Variants in IMMP2L observed in about 807,000 individuals in gnomAD.
IMMP2L encodes the protein mitochondrial inner membrane protease subunit 2.
In IMMP2L, 18 loss-of-function variants were observed where a neutral mutation model predicts 19.3. The ratio of observed to expected loss-of-function variants is 0.93; its 90% CI spans 0.64 to 1.38. The LOEUF is 1.38. Ranked by LOEUF, IMMP2L falls within the 40% of genes most tolerant of loss-of-function variation. The pLI, the probability that IMMP2L is intolerant of heterozygous loss-of-function variation, is 0.00. For synonymous variants in IMMP2L, 76 were observed against 73.0 expected, an observed-to-expected ratio of 1.04 and a Z score of -0.21; for missense variants, 233 against 218.2, an observed-to-expected ratio of 1.07 and a Z score of -0.43.
At chr7:110,665,932 A>G (rs1791418015) in intron 5 of IMMP2L, among the ~76,000 whole-genome samples, 1 of 152,208 alleles carries the variant, frequency 6.6e-6, no homozygotes, top group Admixed American at 6.5e-5. Flanking sequence ...TTACAAAAAT[A>G]ATGATTTTCC....
At chr7:110,938,231 C>G (rs1302285879) in intron 4 of IMMP2L, among the ~76,000 whole-genome samples, 1 of 152,120 alleles carries the variant, frequency 6.6e-6, no homozygotes, top group Admixed American at 6.5e-5. Context: ...TTATGGCATA[C>G]TAATCTGTGT....
intron 3 of IMMP2L, among the ~76,000 whole-genome samples, chr7:110,982,027 A>C (rs2129558190): frequency 6.6e-6 from 1 of 152,310 alleles, no homozygotes; most frequent in East Asian, 1.9e-4. Context: ...TAGGACATTT[A>C]AGGTGAAGCA....
chr7:111,193,175 A>C (rs1809086186), intron 3 of IMMP2L, among the ~76,000 whole-genome samples: 1 of 152,152 alleles, frequency 6.6e-6, no homozygotes, highest in East Asian at 1.9e-4. Flanking sequence ...TTTGTGAAGT[A>C]TGTGGAGATG....
chr7:110,943,107 G>T (rs1816894932), intron 4 of IMMP2L, among the ~76,000 whole-genome samples: 1 of 151,990 alleles, frequency 6.6e-6, no homozygotes, highest in Non-Finnish European at 1.5e-5. Context: ...ACTAGCTAAG[G>T]CATACAGTTT....
At chr7:111,300,837 T>C (rs757985460) in intron 3 of IMMP2L, among the ~76,000 whole-genome samples, 2 of 152,170 alleles carry the variant, frequency 1.3e-5, no homozygotes, top group African/African-American at 2.4e-5. Context: ...ATTTCACCAC[T>C]GACAGTTGCA....
At chr7:110,887,618 A>G (rs1246565267) in intron 4 of IMMP2L, among the ~76,000 whole-genome samples, 2 of 151,988 alleles carry the variant, frequency 1.3e-5, no homozygotes, top group East Asian at 3.8e-4. Flanking sequence ...ATTTACCTAA[A>G]TATTCAACAA....
intron 3 of IMMP2L, among the ~76,000 whole-genome samples, chr7:111,160,550 T>C (rs1805140974): frequency 6.6e-6 from 1 of 151,944 alleles, no homozygotes; most frequent in Non-Finnish European, 1.5e-5. Context: ...CTTTATCACA[T>C]ATATGTTGAG....
At chr7:111,500,027 C>G (rs1317494900) in intron 2 of IMMP2L, among the ~76,000 whole-genome samples, 2 of 152,150 alleles carry the variant, frequency 1.3e-5, no homozygotes, top group Non-Finnish European at 2.9e-5. Flanking sequence ...TCGGGAAGCA[C>G]AAGGGGTCAG....
intron 3 of IMMP2L, among the ~76,000 whole-genome samples, chr7:111,039,557 A>C (rs1022004992): frequency 2.0e-5 from 3 of 152,166 alleles, no homozygotes; most frequent in African/African-American, 7.2e-5. Flanking sequence ...AATTCAAAAA[A>C]ATTCTCATTA....
intron 3 of IMMP2L, among the ~76,000 whole-genome samples, chr7:111,008,078 A>G (rs1824502795): frequency 6.6e-6 from 1 of 152,036 alleles, no homozygotes; most frequent in Non-Finnish European, 1.5e-5. Context: ...AGCTATAACC[A>G]TGTATCTTCT....
chr7:110,994,121 A>G (rs1822781822), intron 3 of IMMP2L, among the ~76,000 whole-genome samples: 1 of 150,020 alleles, frequency 6.7e-6, no homozygotes. Context: ...TTAAGTATTC[A>G]TTACTCTCTC....
intron 3 of IMMP2L, among the ~76,000 whole-genome samples, chr7:111,223,079 C>A (rs890089581): frequency 6.6e-6 from 1 of 151,658 alleles, no homozygotes; most frequent in African/African-American, 2.4e-5. Context: ...TAGAATGATA[C>A]CAAATTTTAT....
intron 2 of IMMP2L, among the ~76,000 whole-genome samples, chr7:111,504,604 G>A (rs1299468606): frequency 6.6e-6 from 1 of 152,110 alleles, no homozygotes; most frequent in Non-Finnish European, 1.5e-5. Context: ...AAACAGCATG[G>A]TACTGGTACC....
chr7:111,164,253 G>A (rs1329477629), intron 3 of IMMP2L, among the ~76,000 whole-genome samples: 2 of 151,994 alleles, frequency 1.3e-5, no homozygotes, highest in Non-Finnish European at 2.9e-5. Context: ...TTAGGTCGGC[G>A]CAATTACTTT....
At chr7:111,389,920 G>A (rs778858198) in intron 3 of IMMP2L, among the ~76,000 whole-genome samples, 4 of 152,130 alleles carry the variant, frequency 2.6e-5, no homozygotes, top group Non-Finnish European at 5.9e-5. Context: ...TGTCTTGAAC[G>A]TGTCTAAAAT....
chr7:111,498,527 T>C lies in IMMP2L; in HGVS notation c.136-11186A>G, dbSNP rs370842455. Among the ~76,000 whole-genome samples the C allele has an allele frequency of 5.9e-4, 84 of 142,924 alleles. 2 individuals carry two copies. Among genetic ancestry groups the C allele is most frequent in the African/African-American group, 2.0e-3 (78 of 39,090 alleles). 93.8% of individuals were successfully genotyped at this position (142,924 alleles called of 152,430 possible). On this transcript the variant is annotated intron_variant, in intron 2 of 5. Coordinates refer to ENST00000405709, the MANE Select transcript of IMMP2L (RefSeq NM_032549.4). ...CCACTTTTCTGTCTCCTAACCTAAT[T>C]AAAAAAAAAAAGGTCATAGTAAGGT...
intron 3 of IMMP2L, among the ~76,000 whole-genome samples, chr7:111,306,422 A>G (rs1822876806): frequency 6.6e-6 from 1 of 152,142 alleles, no homozygotes; most frequent in Non-Finnish European, 1.5e-5. Flanking sequence ...AGGTACATAG[A>G]AAATCTCTGT....
At chr7:111,243,458 T>A (rs1008001979) in intron 3 of IMMP2L, among the ~76,000 whole-genome samples, 2 of 151,956 alleles carry the variant, frequency 1.3e-5, no homozygotes, top group African/African-American at 4.8e-5. Flanking sequence ...TATATAATTT[T>A]AAAAGTTATA....
At chr7:111,302,676 G>A (rs1822399237) in intron 3 of IMMP2L, among the ~76,000 whole-genome samples, 2 of 152,060 alleles carry the variant, frequency 1.3e-5, no homozygotes, top group Admixed American at 6.6e-5. Flanking sequence ...CACAAAAAAA[G>A]TAATGAAATA....
Sources: gnomAD v4.1 joint callset for allele counts (sites outside exome capture counted in the v4.1 genomes callset) on GRCh38, gnomAD v4.1.1 for gene constraint, MANE v1.5 for transcripts, NCBI Gene and HGNC (gene_info 2026-07-23, HGNC 2026-07-21) for gene names.